FRAS1: variants seen among roughly 807,000 people sequenced by gnomAD.
FRAS1 encodes the protein extracellular matrix organizing protein FRAS1.
In FRAS1, 290 loss-of-function variants were observed where a neutral mutation model predicts 435.2. The observed-to-expected ratio is 0.67, with a 90% CI of 0.61 to 0.73. The LOEUF (loss-of-function observed/expected upper bound fraction) is 0.73. Among genes scored for constraint, FRAS1 ranks in the 30% least tolerant of loss-of-function variants. FRAS1 has a pLI of 0.00. For synonymous variants in FRAS1, 1,800 were observed against 1,851.0 expected, an observed-to-expected ratio of 0.97 and a Z score of 0.71; for missense variants, 4,860 against 5,001.5, an observed-to-expected ratio of 0.97 and a Z score of 0.85.
intron 28 of FRAS1, among the ~76,000 whole-genome samples, chr4:78,385,883 T>TA (rs34277639): frequency 0.033 from 3,658 of 111,770 alleles, 157 homozygotes; most frequent in African/African-American, 0.11. Context: ...AGACTCTGTC[T>TA]AAAAAAAAAA....
intron 2 of FRAS1, among the ~76,000 whole-genome samples, chr4:78,210,480 CAT>C (rs1280204869): frequency 1.3e-5 from 2 of 152,310 alleles, no homozygotes; most frequent in South Asian, 2.1e-4. Context: ...TGAGTAGACA[CAT>C]ATCTCTTACG....
intron 14 of FRAS1, among the ~76,000 whole-genome samples, chr4:78,303,227 T>A (rs1728514377): frequency 6.6e-6 from 1 of 152,162 alleles, no homozygotes; most frequent in African/African-American, 2.4e-5. Context: ...ATCTCTGTTT[T>A]GGTACCAGTA....
At chr4:78,495,084 T>C (rs573354810) in intron 59 of FRAS1, among the ~76,000 whole-genome samples, 3 of 152,190 alleles carry the variant, frequency 2.0e-5, no homozygotes, top group Non-Finnish European at 2.9e-5. Context: ...ATTACTAATC[T>C]TTCATATGCT....
At position 78,237,520 on chromosome 4, in the gene FRAS1, T is replaced by G. The variant is rs757785958; in HGVS notation, c.119T>G (p.Ile40Ser). ...TATGCCTCTTTACAGGATGCCACAA[T>G]TTGGAAGCCCGATTCATGCCAGAGC... ...YQDSLLADAT[I>S]WKPDSCQSCR... is the part of the protein sequence containing the mutation. The change falls in exon 3 of 74, where the codon ATT (isoleucine) becomes AGT (serine). Residue 40 changes from isoleucine to serine, a missense_variant. By Grantham distance (142) the Ile-to-Ser change is moderately radical. Coordinates refer to ENST00000512123, the MANE Select transcript of FRAS1 (RefSeq NM_025074.7). 2 of 1,613,260 alleles carry G rather than the reference T, an allele frequency of 1.2e-6. No homozygotes were observed. Among genetic ancestry groups the G allele is most frequent in the South Asian group, 2.2e-5 (2 of 90,990 alleles).
At position 78,382,781 on chromosome 4, in the gene FRAS1, G is replaced by A. The variant is rs116844678; in HGVS notation, c.3564-1278G>A. On this transcript the variant is annotated intron_variant, in intron 27 of 73. Coordinates refer to ENST00000512123, the MANE Select transcript of FRAS1 (RefSeq NM_025074.7). ...CATAGTCAATATGTAAAATAGTTCC[G>A]TAACCCCAAAAGTCTTTTTATAGTT... Among the ~76,000 whole-genome samples the A allele has an allele frequency of 2.6e-4, 40 of 152,236 alleles. No individual in the cohort carries two copies. The East Asian group carries it at 6.0e-3, about 23-fold the overall frequency.
chr4:78,273,637 A>G (rs1288741204), intron 9 of FRAS1, among the ~76,000 whole-genome samples: 2 of 152,086 alleles, frequency 1.3e-5, no homozygotes, highest in African/African-American at 4.8e-5. Flanking sequence ...CATATGTTGA[A>G]CCAACCTTGC....
At chr4:78,231,318 T>A (rs1056529882) in intron 2 of FRAS1, among the ~76,000 whole-genome samples, 3 of 151,200 alleles carry the variant, frequency 2.0e-5, no homozygotes, top group African/African-American at 4.8e-5. Flanking sequence ...AAATTATATA[T>A]CTTTGTTGTT....
chr4:78,058,153 C>G (rs957720711), intron 1 of FRAS1, 68 bp downstream of exon 1: 1 of 1,379,392 alleles, frequency 7.2e-7, no homozygotes, highest in African/African-American at 1.4e-5. Flanking sequence ...TGTGAGTGAT[C>G]GTGCAGTTTA....
intron 2 of FRAS1, among the ~76,000 whole-genome samples, chr4:78,102,586 A>T (rs1443285131): frequency 6.6e-6 from 1 of 152,168 alleles, no homozygotes; most frequent in Non-Finnish European, 1.5e-5. Flanking sequence ...TCAACTTTTA[A>T]CTACATAGTG....
chr4:78,140,920 A>G (rs1720155160), intron 2 of FRAS1, among the ~76,000 whole-genome samples: 1 of 152,108 alleles, frequency 6.6e-6, no homozygotes, highest in African/African-American at 2.4e-5. Flanking sequence ...TTCTTTTGAG[A>G]GAGGAAATGG....
At chr4:78,273,084 G>C (rs973331314) in intron 9 of FRAS1, among the ~76,000 whole-genome samples, 1 of 152,168 alleles carries the variant, frequency 6.6e-6, no homozygotes, top group East Asian at 1.9e-4. Context: ...AATTGTGAAT[G>C]GGAGTTCATG....
In FRAS1 at chr4:78,483,768, C is replaced by CTATATATATATATATG. The variant is rs1491536432; in HGVS notation, c.8752+1234_8752+1235insATATATATATATATGT. Among the ~76,000 whole-genome samples the CTATATATATATATATG allele has an allele frequency of 3.1e-4, 2 of 6,516 alleles. 1 individual carries two copies. The highest frequency in any genetic ancestry group is 1.0e-3 in the Non-Finnish European group (2 of 1,992). 4.3% of individuals were successfully genotyped at this position (6,516 alleles called of 152,430 possible). On this transcript the variant is annotated intron_variant, in intron 58 of 73. Coordinates refer to ENST00000512123, the MANE Select transcript of FRAS1 (RefSeq NM_025074.7). Reference sequence around the variant, plus strand: ...TTTATCCTTCAGGAGAAAAAAAAAACTCTCTCTCTCTCTCTATATATATAT... The same window carrying CTATATATATATATATG: ...TTTATCCTTCAGGAGAAAAAAAAAACTATATATATATATATGTCTCTCTCTCTCTCTATATATATAT...
intron 2 of FRAS1, among the ~76,000 whole-genome samples, chr4:78,215,626 A>C (rs1382704338): frequency 6.6e-6 from 1 of 152,152 alleles, no homozygotes. Context: ...CTTCTTCCCC[A>C]ATCCCTTGGC....
chr4:78,465,688 A>G (rs67956146), intron 49 of FRAS1, among the ~76,000 whole-genome samples: 49,515 of 152,132 alleles, frequency 0.33, 8,790 homozygotes, highest in Admixed American at 0.41. Flanking sequence ...ACTAGGTCAC[A>G]GAGGGCCATG....
At chr4:78,126,625 T>A (rs1195616907) in intron 2 of FRAS1, among the ~76,000 whole-genome samples, 1 of 152,228 alleles carries the variant, frequency 6.6e-6, no homozygotes. Flanking sequence ...CTTGGTTTTG[T>A]CTATGAGTGC....
At chr4:78,461,132 G>A (rs922161474) in intron 47 of FRAS1, among the ~76,000 whole-genome samples, 6 of 152,214 alleles carry the variant, frequency 3.9e-5, no homozygotes, top group African/African-American at 1.4e-4. Flanking sequence ...AGACAAGAAA[G>A]AGGATATAGC....
In FRAS1 at chr4:78,508,938, G is replaced by T. The variant is rs754294444; in HGVS notation, c.9712G>T (p.Gly3238Cys). The stretch of plus-strand genomic sequence containing the variant: ...CTGGGAAGTGGCTGCCCCCACTGAT[G>T]GCAATGGGGCCCGGTCTCCCTTTGA... ...FSWEVAAPTD[G>C]NGARSPFETI... is the part of the protein sequence containing the mutation. Residue 3238 changes from glycine (G) to cysteine (C), a missense_variant, in exon 63 of 74, where the codon GGC (glycine) becomes TGC (cysteine). Transcript: ENST00000512123. 2 of 1,613,952 alleles carry T rather than the reference G, an allele frequency of 1.2e-6. No individual in the cohort carries two copies. The highest frequency in any genetic ancestry group is 1.7e-6 in the Non-Finnish European group (2 of 1,179,856).
intron 19 of FRAS1, among the ~76,000 whole-genome samples, chr4:78,335,329 C>T (rs766384739): frequency 4.6e-5 from 7 of 152,176 alleles, no homozygotes; most frequent in Non-Finnish European, 8.8e-5. Flanking sequence ...TCTATGAGGC[C>T]TCTTCTCGTG....
At chr4:78,384,203 A>G in intron 28 of FRAS1, 60 bp downstream of exon 28, 2 of 1,157,568 alleles carry the variant, frequency 1.7e-6, no homozygotes, top group East Asian at 2.5e-5. Flanking sequence ...CAAGCACGAA[A>G]TCTAGGTTTC....
Sources: allele counts gnomAD v4.1 joint callset (sites outside exome capture counted in the v4.1 genomes callset), GRCh38; gene constraint gnomAD v4.1.1; transcripts MANE v1.5; gene names NCBI Gene and HGNC (gene_info 2026-07-23, HGNC 2026-07-21).